Variants in EYA2 observed in about 807,000 individuals in gnomAD.
EYA2 encodes the protein protein phosphatase EYA2.
EYA2 carries 31 observed loss-of-function variants against 69.2 expected under a neutral mutation model. The ratio of observed to expected loss-of-function variants is 0.45; its 90% confidence interval spans 0.34 to 0.60. The LOEUF (loss-of-function observed/expected upper bound fraction) is 0.60. EYA2 is among the 20% of genes least tolerant of loss of function. The probability of loss-of-function intolerance (pLI) is 0.02; values close to 1 mark genes in which losing one functional copy is unlikely to be tolerated. For synonymous variants in EYA2, 257 were observed against 279.4 expected, an observed-to-expected ratio of 0.92 and a Z score of 0.80; for missense variants, 622 against 701.2, an observed-to-expected ratio of 0.89 and a Z score of 1.28.
chr20:47,093,807 A>G (rs544260240), intron 8 of EYA2, among the ~76,000 whole-genome samples: 1 of 152,290 alleles, frequency 6.6e-6, no homozygotes, highest in African/African-American at 2.4e-5. Flanking sequence ...AGGTTATATA[A>G]CAAGTGGAGG....
At position 46,955,250 on chromosome 20, in the gene EYA2, C is replaced by T. The variant is rs116385355; in HGVS notation, c.-10-34751C>T. On this transcript the variant is annotated intron_variant, in intron 1 of 15. Coordinates refer to ENST00000327619, the MANE Select transcript of EYA2 (RefSeq NM_005244.5). ...CTCCTGGGTTCAAGCAATTCCCCTGCCTCAGCCTGTAGCTGGGATTACAGG... is the reference window on the plus strand; with the variant it reads ...CTCCTGGGTTCAAGCAATTCCCCTGTCTCAGCCTGTAGCTGGGATTACAGG... 7.6e-3 allele frequency among the ~76,000 whole-genome samples: 1,158 copies of T among 152,186 alleles called. 10 individuals are homozygous for T. Among genetic ancestry groups the T allele is most frequent in the African/African-American group, 0.027 (1,101 of 41,528 alleles).
At chr20:47,074,809 G>A (rs2031452465) in intron 7 of EYA2, among the ~76,000 whole-genome samples, 1 of 152,108 alleles carries the variant, frequency 6.6e-6, no homozygotes, top group Non-Finnish European at 1.5e-5. Context: ...GATGAACCCT[G>A]GTAGTATTTA....
intron 7 of EYA2, among the ~76,000 whole-genome samples, chr20:47,084,998 G>C (rs1055760703): frequency 4.6e-5 from 7 of 151,800 alleles, no homozygotes; most frequent in Non-Finnish European, 1.0e-4. Flanking sequence ...ATGAAACCCA[G>C]TTAATTTTTG....
chr20:46,953,025 C>T (rs535976339), intron 1 of EYA2, among the ~76,000 whole-genome samples: 20 of 152,306 alleles, frequency 1.3e-4, no homozygotes, highest in African/African-American at 4.8e-4. Context: ...TGTCATCCCA[C>T]TCTGAGAGAC....
chr20:47,022,416 C>T (rs960459077), intron 5 of EYA2, among the ~76,000 whole-genome samples: 8 of 152,112 alleles, frequency 5.3e-5, no homozygotes, highest in African/African-American at 1.9e-4. Flanking sequence ...TGGATTCAAG[C>T]AATTCTCTAG....
intron 1 of EYA2, among the ~76,000 whole-genome samples, chr20:46,967,199 A>G (rs1228481503): frequency 1.3e-5 from 2 of 152,206 alleles, no homozygotes; most frequent in Non-Finnish European, 2.9e-5. Context: ...ATGGGGTTTC[A>G]CCATGTTGGT....
intron 1 of EYA2, among the ~76,000 whole-genome samples, chr20:46,902,182 T>C (rs6018145): frequency 0.062 from 9,371 of 152,230 alleles, 686 homozygotes; most frequent in African/African-American, 0.18. Context: ...TTCTAACACC[T>C]TGGGACCCGA....
intron 6 of EYA2, among the ~76,000 whole-genome samples, chr20:47,072,564 G>C (rs774608213): frequency 7.9e-5 from 12 of 152,154 alleles, no homozygotes; most frequent in Non-Finnish European, 1.3e-4. Flanking sequence ...AAATGGGTGG[G>C]TTCTTTCACC....
chr20:47,164,519 T>G (rs1385916395), intron 10 of EYA2, among the ~76,000 whole-genome samples: 1 of 152,172 alleles, frequency 6.6e-6, no homozygotes, highest in African/African-American at 2.4e-5. Context: ...AGCAGTGAGC[T>G]GGGGGCTATC....
At chr20:46,912,605 G>C (rs1457519752) in intron 1 of EYA2, among the ~76,000 whole-genome samples, 1 of 152,168 alleles carries the variant, frequency 6.6e-6, no homozygotes, top group Non-Finnish European at 1.5e-5. Flanking sequence ...GACAGTCTTG[G>C]CATTGCTATG....
intron 5 of EYA2, among the ~76,000 whole-genome samples, chr20:47,038,974 C>G (rs1056720210): frequency 6.6e-6 from 1 of 152,094 alleles, no homozygotes; most frequent in Non-Finnish European, 1.5e-5. Flanking sequence ...TGAACTTAGC[C>G]TTTTAGGGGA....
intron 10 of EYA2, among the ~76,000 whole-genome samples, chr20:47,148,088 G>C (rs2033746043): frequency 6.6e-6 from 1 of 151,812 alleles, no homozygotes; most frequent in East Asian, 1.9e-4. Flanking sequence ...AAAAAAAAAT[G>C]GTCCGGGACA....
chr20:47,069,888 A>AT lies in EYA2; in HGVS notation c.416-2294dup, dbSNP rs2031251030. On this transcript the variant is annotated intron_variant, in intron 5 of 15. Coordinates refer to ENST00000327619, the MANE Select transcript of EYA2 (RefSeq NM_005244.5). ...CACATATATATATATGAAAAGATGA[A>AT]TTTAAGTCCTTAATCCACACTGTAT... Among the ~76,000 whole-genome samples, 4 of 152,242 alleles carry AT rather than the reference A, an allele frequency of 2.6e-5. No homozygotes were observed. In the South Asian group the frequency reaches 8.3e-4, roughly 32 times the overall value.
chr20:47,130,334 G>A (rs536705029), intron 9 of EYA2, among the ~76,000 whole-genome samples: 157 of 123,928 alleles, frequency 1.3e-3, no homozygotes, highest in Non-Finnish European at 2.1e-3. Context: ...GCACAATCTC[G>A]GCTCACTGCA....
intron 1 of EYA2, among the ~76,000 whole-genome samples, chr20:46,918,489 G>C (rs1042411434): frequency 1.3e-5 from 2 of 151,986 alleles, no homozygotes; most frequent in Non-Finnish European, 2.9e-5. Flanking sequence ...TTTTAGTTTA[G>C]TAGAGACGGG....
chr20:47,047,366 G>A (rs2030094722), intron 5 of EYA2, among the ~76,000 whole-genome samples: 1 of 151,330 alleles, frequency 6.6e-6, no homozygotes, highest in African/African-American at 2.4e-5. Flanking sequence ...AAGATGAGCA[G>A]GCACTGCTTT....
chr20:46,902,984 C>T (rs185819900), intron 1 of EYA2, among the ~76,000 whole-genome samples: 3 of 152,336 alleles, frequency 2.0e-5, no homozygotes, highest in African/African-American at 2.4e-5. Flanking sequence ...TGGGACATTT[C>T]GTATACCATT....
At chr20:47,004,676 C>G (rs1982590725) in intron 3 of EYA2, among the ~76,000 whole-genome samples, 1 of 152,130 alleles carries the variant, frequency 6.6e-6, no homozygotes. Context: ...ATTGGCCAGG[C>G]CTGCGAGTGG....
At chr20:46,990,824 AT>A (rs1319682099) in intron 2 of EYA2, among the ~76,000 whole-genome samples, 3 of 152,092 alleles carry the variant, frequency 2.0e-5, no homozygotes, top group African/African-American at 7.2e-5. Context: ...TTTTTCCTTC[AT>A]TATCTGTTTG....
Sources: allele counts gnomAD v4.1 joint callset (sites outside exome capture counted in the v4.1 genomes callset), GRCh38; gene constraint gnomAD v4.1.1; transcripts MANE v1.5; gene names NCBI Gene and HGNC (gene_info 2026-07-23, HGNC 2026-07-21).